The following MEMO1 variants were observed in gnomAD, a reference collection of about 807,000 sequenced individuals.
MEMO1 encodes the protein mediator of cell motility 1.
Under a neutral mutation model 45.2 loss-of-function variants are expected in MEMO1, and 6 were observed. That is an observed-to-expected ratio of 0.13 (90% CI 0.07 to 0.26). The LOEUF is 0.26. MEMO1 is among the 10% of genes least tolerant of loss of function. The pLI, the probability that MEMO1 is intolerant of heterozygous loss-of-function variation, is 1.00. For missense variants in MEMO1, 184 were observed against 370.5 expected, an observed-to-expected ratio of 0.50 and a Z score of 4.13; for synonymous variants, 78 against 124.3, an observed-to-expected ratio of 0.63 and a Z score of 2.48.
chr2:31,921,547 G>A (rs1682311548), intron 4 of MEMO1, among the ~76,000 whole-genome samples: 1 of 151,998 alleles, frequency 6.6e-6, no homozygotes, highest in Non-Finnish European at 1.5e-5. Flanking sequence ...GATGCAACAG[G>A]TATTCAGAAG....
intron 2 of MEMO1, among the ~76,000 whole-genome samples, chr2:31,954,465 A>G (rs1171573069): frequency 6.6e-6 from 1 of 152,148 alleles, no homozygotes; most frequent in Non-Finnish European, 1.5e-5. Context: ...AATTTTTTTA[A>G]AAAAATCATA....
intron 2 of MEMO1, among the ~76,000 whole-genome samples, chr2:31,986,415 T>C (rs1671265467): frequency 2.0e-5 from 3 of 152,082 alleles, no homozygotes; most frequent in African/African-American, 7.2e-5. Flanking sequence ...GAGCTTGCAG[T>C]GAGCCGAGGT....
chr2:31,918,087 T>C (rs760878606), intron 5 of MEMO1, 50 bp from the exon 6 acceptor site: 9 of 1,310,914 alleles, frequency 6.9e-6, no homozygotes, highest in South Asian at 1.5e-5. Flanking sequence ...TGTATATCCT[T>C]ATCCTGTGAG....
intron 2 of MEMO1, among the ~76,000 whole-genome samples, chr2:32,008,538 C>T (rs1035855023): frequency 6.6e-6 from 1 of 151,962 alleles, no homozygotes. Context: ...GAGTCAAGAT[C>T]GAGCCATTGC....
chr2:31,905,993 G>A (rs768258144), intron 6 of MEMO1, among the ~76,000 whole-genome samples: 27 of 150,028 alleles, frequency 1.8e-4, no homozygotes, highest in Non-Finnish European at 3.2e-4. Context: ...TTTTTGAGAC[G>A]GAGTCTCACT....
chr2:31,895,145 G>T (rs1677561810), intron 6 of MEMO1, among the ~76,000 whole-genome samples: 1 of 151,970 alleles, frequency 6.6e-6, no homozygotes, highest in South Asian at 2.1e-4. Flanking sequence ...AACCTGCAAG[G>T]GAAAAAATGA....
chr2:31,893,898 G>A (rs1475852066), intron 6 of MEMO1, among the ~76,000 whole-genome samples: 1 of 152,076 alleles, frequency 6.6e-6, no homozygotes, highest in Non-Finnish European at 1.5e-5. Flanking sequence ...AGAAACCTAG[G>A]ACTTGAATCG....
intron 2 of MEMO1, among the ~76,000 whole-genome samples, chr2:32,002,186 T>TATATAC (rs753352927): frequency 1.6e-3 from 183 of 115,954 alleles, no homozygotes; most frequent in South Asian, 2.7e-3. Flanking sequence ...TATATATATA[T>TATATAC]ACACACACAC....
intron 2 of MEMO1, among the ~76,000 whole-genome samples, chr2:31,946,327 G>A (rs941632087): frequency 6.6e-6 from 1 of 151,874 alleles, no homozygotes; most frequent in Non-Finnish European, 1.5e-5. Flanking sequence ...TATTTATAAT[G>A]CTACACATAA....
At position 32,007,579 on chromosome 2, in the gene MEMO1, G is replaced by C. The variant is rs1674262211; in HGVS notation, c.61+2608C>G. 2.0e-5 allele frequency among the ~76,000 whole-genome samples: 3 copies of C among 152,106 alleles called. No individual in the cohort carries two copies. In the South Asian group the frequency reaches 6.2e-4, roughly 31 times the overall value. On this transcript the variant is annotated intron_variant, in intron 2 of 9. Coordinates refer to ENST00000404530, the MANE Select transcript of MEMO1 (RefSeq NM_001301833.4). ...TTTCTGAAATAGCTATATAACTAAA[G>C]CAAATGTGTTTTCACCCTTATTTAT...
chr2:32,002,186 T>TATACACAC (rs753352927), intron 2 of MEMO1, among the ~76,000 whole-genome samples: 59 of 116,038 alleles, frequency 5.1e-4, no homozygotes, highest in African/African-American at 9.1e-4. Flanking sequence ...TATATATATA[T>TATACACAC]ACACACACAC....
At chr2:31,927,624 C>A (rs1423169897) in intron 4 of MEMO1, among the ~76,000 whole-genome samples, 5 of 141,220 alleles carry the variant, frequency 3.5e-5, no homozygotes, top group Non-Finnish European at 7.6e-5. Context: ...AACTGTAAGA[C>A]ATTTTTATAT....
chr2:31,984,624 A>T (rs1199297383), intron 2 of MEMO1, among the ~76,000 whole-genome samples: 4 of 152,132 alleles, frequency 2.6e-5, no homozygotes, highest in African/African-American at 9.7e-5. Flanking sequence ...ACACGGTGAA[A>T]CCCCGTCTCT....
At chr2:31,980,707 G>A (rs1331949464) in intron 2 of MEMO1, among the ~76,000 whole-genome samples, 2 of 152,042 alleles carry the variant, frequency 1.3e-5, no homozygotes, top group Non-Finnish European at 2.9e-5. Context: ...CTCCCACTGA[G>A]AACGTCACGG....
At chr2:31,940,950 A>G (rs997042363) in intron 3 of MEMO1, among the ~76,000 whole-genome samples, 4 of 152,162 alleles carry the variant, frequency 2.6e-5, no homozygotes, top group Admixed American at 6.5e-5. Flanking sequence ...CCACTATGTC[A>G]TCTCTTTTCT....
At chr2:32,002,168 A>AAAATATATATAT (rs1553383012) in intron 2 of MEMO1, among the ~76,000 whole-genome samples, 1 of 74,900 alleles carries the variant, frequency 1.3e-5, no homozygotes, top group African/African-American at 6.2e-5. Context: ...AAAAAAAAAA[A>AAAATATATATAT]ATATATATAT....
chr2:31,952,016 C>A lies in MEMO1; in HGVS notation c.62-8633G>T, dbSNP rs190396060. Among the ~76,000 whole-genome samples the A allele has an allele frequency of 3.9e-3, 588 of 152,232 alleles. 7 individuals carry two copies. Among genetic ancestry groups the A allele is most frequent in the Non-Finnish European group, 3.8e-3 (260 of 68,006 alleles). On this transcript the variant is annotated intron_variant, in intron 2 of 9. Coordinates refer to ENST00000404530, the MANE Select transcript of MEMO1 (RefSeq NM_001301833.4). ...TTTATGTATCTGATAGGGCTCCTCA[C>A]ACAGAAAATAGCATGCCCTTGGTAC...
At chr2:31,883,318 T>C in intron 8 of MEMO1, 68 bp downstream of exon 8, 2 of 1,083,162 alleles carry the variant, frequency 1.8e-6, no homozygotes, top group Non-Finnish European at 2.7e-6. Flanking sequence ...ATGTTAAGTC[T>C]TGAATTACTA....
chr2:31,967,130 T>G (rs1005017986), intron 2 of MEMO1, among the ~76,000 whole-genome samples: 1 of 151,530 alleles, frequency 6.6e-6, no homozygotes, highest in South Asian at 2.1e-4. Flanking sequence ...TTTTATTTTT[T>G]TTTTTTTTTT....
Sources: allele counts gnomAD v4.1 joint callset (sites outside exome capture counted in the v4.1 genomes callset), GRCh38; gene constraint gnomAD v4.1.1; transcripts MANE v1.5; gene names NCBI Gene and HGNC (gene_info 2026-07-23, HGNC 2026-07-21).